TECPR2: variants seen among roughly 807,000 people sequenced by gnomAD.
TECPR2 encodes tectonin beta-propeller repeat containing 2.
TECPR2 carries 65 observed loss-of-function variants against 138.1 expected under a neutral mutation model. That is an observed-to-expected ratio of 0.47 (90% CI 0.39 to 0.58). TECPR2 has a LOEUF of 0.58. TECPR2 is among the 20% of genes least tolerant of loss of function. The probability of loss-of-function intolerance (pLI) is 0.00; values close to 1 mark genes in which losing one functional copy is unlikely to be tolerated. For synonymous variants in TECPR2, 746 were observed against 749.8 expected, an observed-to-expected ratio of 0.99 and a Z score of 0.08; for missense variants, 1,553 against 1,824.5, an observed-to-expected ratio of 0.85 and a Z score of 2.71.
intron 19 of TECPR2, 90 bp from the exon 20 acceptor site, chr14:102,498,013 C>T: frequency 6.5e-7 from 1 of 1,541,196 alleles, no homozygotes; most frequent in Non-Finnish European, 8.7e-7. Context: ...TGTGGCAAGC[C>T]CAGACCTGCG....
At chr14:102,368,584 C>T (rs1476244500) in intron 1 of TECPR2, among the ~76,000 whole-genome samples, 2 of 150,454 alleles carry the variant, frequency 1.3e-5, no homozygotes, top group Admixed American at 1.3e-4. Context: ...AGATATATAA[C>T]CAGGAGATAT....
At position 102,371,780 on chromosome 14, in the gene TECPR2, G is replaced by C. The variant is rs545799611; in HGVS notation, c.-72-4870G>C. ...AAATCTTTTGGTTGAGAAAATTTTGGTTTATCCATACAGTGTGTTCTCTGC... is the reference window on the plus strand; with the variant it reads ...AAATCTTTTGGTTGAGAAAATTTTGCTTTATCCATACAGTGTGTTCTCTGC... On this transcript the variant is annotated intron_variant, in intron 1 of 19. Transcript: ENST00000359520. Among the ~76,000 whole-genome samples, 19 of 152,130 alleles carry C rather than the reference G, an allele frequency of 1.2e-4. No homozygotes were observed. In the South Asian group the frequency reaches 3.3e-3, roughly 27 times the overall value.
chr14:102,382,601 A>G (rs1237020427), intron 2 of TECPR2, among the ~76,000 whole-genome samples: 1 of 152,194 alleles, frequency 6.6e-6, no homozygotes, highest in Non-Finnish European at 1.5e-5. Flanking sequence ...CTGAATATAC[A>G]TTCTTTGCAA....
At chr14:102,414,858 G>T in intron 5 of TECPR2, 65 bp downstream of exon 5, 1 of 1,572,886 alleles carries the variant, frequency 6.4e-7, no homozygotes, top group Non-Finnish European at 8.6e-7. Context: ...GTGCTTTAGG[G>T]TTTCTTAGGT....
chr14:102,440,312 T>C, intron 10 of TECPR2, 124 bp from the exon 11 acceptor site: 5 of 1,340,438 alleles, frequency 3.7e-6, no homozygotes, highest in Middle Eastern at 2.4e-4. Context: ...CTTTCCCCAC[T>C]TGGGGGGACA....
intron 1 of TECPR2, among the ~76,000 whole-genome samples, chr14:102,371,601 A>G (rs1887511179): frequency 1.3e-5 from 2 of 152,190 alleles, no homozygotes; most frequent in East Asian, 1.9e-4. Flanking sequence ...GCCTCTAGAT[A>G]TCCTTTGGAA....
At chr14:102,381,876 T>G (rs922557037) in intron 2 of TECPR2, among the ~76,000 whole-genome samples, 4 of 152,224 alleles carry the variant, frequency 2.6e-5, no homozygotes, top group African/African-American at 9.6e-5. Context: ...TGATCAAGTT[T>G]TAACAGATGT....
At chr14:102,398,124 G>A (rs1197230491) in intron 2 of TECPR2, among the ~76,000 whole-genome samples, 3 of 149,884 alleles carry the variant, frequency 2.0e-5, no homozygotes, top group Non-Finnish European at 4.4e-5. Flanking sequence ...GGAAAACAGT[G>A]TACAAATAAA....
At chr14:102,478,096 G>C (rs1435851323) in intron 17 of TECPR2, among the ~76,000 whole-genome samples, 2 of 151,454 alleles carry the variant, frequency 1.3e-5, no homozygotes, top group Non-Finnish European at 2.9e-5. Context: ...GCCCATGCTG[G>C]AGTGCAGTGG....
intron 16 of TECPR2, among the ~76,000 whole-genome samples, chr14:102,461,069 T>G (rs1273482428): frequency 1.3e-5 from 2 of 152,186 alleles, no homozygotes; most frequent in Admixed American, 6.6e-5. Context: ...ATTACTGCTA[T>G]AGGATTAAAT....
At chr14:102,497,966 T>G (rs1244216606) in intron 19 of TECPR2, 137 bp from the exon 20 acceptor site, 8 of 1,233,008 alleles carry the variant, frequency 6.5e-6, no homozygotes, top group Non-Finnish European at 8.9e-6. Context: ...GAAGTTCACA[T>G]GGAGATGGTG....
intron 2 of TECPR2, among the ~76,000 whole-genome samples, chr14:102,380,685 T>C (rs995343753): frequency 6.6e-6 from 1 of 152,206 alleles, no homozygotes; most frequent in African/African-American, 2.4e-5. Context: ...TTTTTTGTTT[T>C]TGTTTTGTTT....
At chr14:102,442,660 T>C (rs796843221) in intron 11 of TECPR2, among the ~76,000 whole-genome samples, 4 of 152,314 alleles carry the variant, frequency 2.6e-5, no homozygotes, top group African/African-American at 9.6e-5. Context: ...CCAATCCCTC[T>C]GGAGACTGCT....
chr14:102,426,935 T>C (rs1212691), intron 6 of TECPR2, among the ~76,000 whole-genome samples: 107,484 of 152,120 alleles, frequency 0.71, 38,199 homozygotes, highest in Middle Eastern at 0.78. Flanking sequence ...TCATTGAAGT[T>C]TTATGAATTA....
chr14:102,383,746 TA>T (rs1304179423), intron 2 of TECPR2, among the ~76,000 whole-genome samples: 1 of 151,946 alleles, frequency 6.6e-6, no homozygotes, highest in Non-Finnish European at 1.5e-5. Context: ...ACTATTTAAA[TA>T]TTTTCAGTCA....
intron 3 of TECPR2, among the ~76,000 whole-genome samples, chr14:102,408,008 A>T (rs1160391128): frequency 6.6e-6 from 1 of 151,670 alleles, no homozygotes; most frequent in Non-Finnish European, 1.5e-5. Context: ...AAAAAGAAAA[A>T]AAATACAAAA....
intron 16 of TECPR2, among the ~76,000 whole-genome samples, chr14:102,463,447 A>G (rs12892361): frequency 6.6e-6 from 1 of 150,724 alleles, no homozygotes; most frequent in East Asian, 1.9e-4. Context: ...AAAGAAAAAA[A>G]CAAAAAAACA....
At chr14:102,494,265 G>A (rs1192374496) in intron 17 of TECPR2, among the ~76,000 whole-genome samples, 1 of 152,226 alleles carries the variant, frequency 6.6e-6, no homozygotes, top group Non-Finnish European at 1.5e-5. Context: ...ACTCGTGGCT[G>A]GGCGCAGTGG....
intron 1 of TECPR2, among the ~76,000 whole-genome samples, chr14:102,369,009 C>T (rs771093171): frequency 7.2e-5 from 11 of 152,184 alleles, no homozygotes; most frequent in Non-Finnish European, 1.3e-4. Flanking sequence ...GTGACAGTTT[C>T]TAATACCTGC....
Sources: allele counts gnomAD v4.1 joint callset (sites outside exome capture counted in the v4.1 genomes callset), GRCh38; gene constraint gnomAD v4.1.1; transcripts MANE v1.5; gene names NCBI Gene and HGNC (gene_info 2026-07-23, HGNC 2026-07-21).